The following LRRFIP2 variants were observed in gnomAD, a reference collection of about 807,000 sequenced individuals.
LRRFIP2 encodes leucine-rich repeat flightless-interacting protein 2.
Under a neutral mutation model 125.9 loss-of-function variants are expected in LRRFIP2, and 109 were observed. The observed-to-expected ratio is 0.87, with a 90% CI of 0.74 to 1.01. The LOEUF is 1.01. Among genes scored for constraint, LRRFIP2 ranks in the 50% least tolerant of loss-of-function variants. LRRFIP2 has a pLI of 0.00. For synonymous variants in LRRFIP2, 291 were observed against 293.1 expected (o/e 0.99, Z 0.07); for missense variants, 850 against 862.3 (o/e 0.99, Z 0.18).
chr3:37,167,208 AAAAAAG>A (rs1487104786), intron 1 of LRRFIP2, among the ~76,000 whole-genome samples: 1 of 151,432 alleles, frequency 6.6e-6, no homozygotes, highest in Non-Finnish European at 1.5e-5. Flanking sequence ...AAAAAAAAAA[AAAAAAG>A]AAAGAAAGAA....
chr3:37,079,137 G>A (rs1383486885), intron 19 of LRRFIP2, among the ~76,000 whole-genome samples: 3 of 152,040 alleles, frequency 2.0e-5, no homozygotes, highest in Non-Finnish European at 4.4e-5. Context: ...ATGGACAAAG[G>A]ATCTGAATAG....
intron 16 of LRRFIP2, 79 bp from the exon 17 acceptor site, chr3:37,094,987 G>A: frequency 1.1e-6 from 1 of 886,574 alleles, no homozygotes; most frequent in Admixed American, 1.8e-5. Context: ...ACAGGGCAGG[G>A]TGGTTGGGGG....
At chr3:37,096,218 A>T (rs17810493) in intron 16 of LRRFIP2, among the ~76,000 whole-genome samples, 8,419 of 152,262 alleles carry the variant, frequency 0.055, 278 homozygotes, top group Non-Finnish European at 0.074. Context: ...TTTAACACAA[A>T]GCAAATTCTA....
At chr3:37,113,831 TTA>T (rs2094649900) in intron 7 of LRRFIP2, among the ~76,000 whole-genome samples, 1 of 152,278 alleles carries the variant, frequency 6.6e-6, no homozygotes, top group East Asian at 1.9e-4. Context: ...AATGGTCACC[TTA>T]TAAAAGGGTC....
Position 37,055,139 on chromosome 3 carries a change from A to G in LRRFIP2, c.1897T>C (p.Tyr633His). 1.9e-6 allele frequency: 3 copies of G among 1,594,104 alleles called. No homozygotes were observed. The change falls in exon 26 of 28, where the codon TAC becomes CAC. Residue 633 changes from tyrosine (Y) to histidine (H), a missense_variant. Coordinates refer to ENST00000336686, the MANE Select transcript of LRRFIP2 (RefSeq NM_006309.4). ...QRDANRQISE[Y>H]KFKLSKAEQD... is the part of the protein sequence containing the mutation. ...TCTGCTTTTGAAAGCTTAAATTTGTATTCGCTAATTTGTCTATTGGCATCT... is the reference window on the plus strand; with the variant it reads ...TCTGCTTTTGAAAGCTTAAATTTGTGTTCGCTAATTTGTCTATTGGCATCT...
At position 37,121,166 on chromosome 3, in the gene LRRFIP2, T is replaced by A. The variant is rs1466570093; in HGVS notation, c.330+326A>T. Among the ~76,000 whole-genome samples the A allele has an allele frequency of 3.3e-5, 5 of 152,152 alleles. No individual in the cohort carries two copies. In the South Asian group the frequency reaches 6.2e-4, roughly 19 times the overall value. On this transcript the variant is annotated intron_variant, in intron 6 of 27. Transcript: ENST00000336686. ...TTTTAAGATATGAAAGTAGGGAAAG[T>A]CTGAAAGTTAGAACCAAACAAATGT...
At chr3:37,142,123 G>C (rs2095717868) in intron 2 of LRRFIP2, among the ~76,000 whole-genome samples, 1 of 151,324 alleles carries the variant, frequency 6.6e-6, no homozygotes. Context: ...CTCTTCAATA[G>C]GTGGTTGACC....
rs931143263 is a variant in LRRFIP2 at position 37,053,128 on chromosome 3, ATACTT to A, written c.*718_*722del. On this transcript the variant is annotated 3_prime_UTR_variant, in exon 28 of 28. Coordinates refer to ENST00000336686, the MANE Select transcript of LRRFIP2 (RefSeq NM_006309.4). Reference sequence around the variant, plus strand: ...ATTCCACAAATAAGCAGCAGATAAAATACTTTACAAGGTACAGCACAGTTGTATTG... The same window carrying A: ...ATTCCACAAATAAGCAGCAGATAAAATACAAGGTACAGCACAGTTGTATTG... The A allele has an allele frequency of 6.6e-6, 1 of 152,590 alleles. No homozygotes were observed. The highest frequency in any genetic ancestry group is 1.5e-5 in the Non-Finnish European group (1 of 68,030). The allele number at this position is 152,590 out of a possible 1,614,324, so 9.5% of individuals were successfully genotyped here.
At position 37,121,537 on chromosome 3, in the gene LRRFIP2, C is replaced by T; in HGVS notation, c.286-1G>A. ...GAATGGACAATGCATCCTCAACTCC[C>T]TGATAAAAATGAAAATAAACACAGT... On this transcript the variant is annotated splice_acceptor_variant, in intron 5 of 27. Coordinates refer to ENST00000336686, the MANE Select transcript of LRRFIP2 (RefSeq NM_006309.4). LOFTEE classifies it high-confidence loss of function. The T allele has an allele frequency of 1.9e-6, 3 of 1,613,934 alleles. No individual in the cohort carries two copies. The highest frequency in any genetic ancestry group is 2.5e-6 in the Non-Finnish European group (3 of 1,179,904).
intron 2 of LRRFIP2, among the ~76,000 whole-genome samples, chr3:37,142,148 CTT>C (rs1006144645): frequency 1.9e-4 from 25 of 129,692 alleles, no homozygotes; most frequent in Admixed American, 2.3e-4. Context: ...ATTTTTCCTA[CTT>C]TTTTTTTTTT....
rs767947432 is a variant in LRRFIP2 at position 37,058,782 on chromosome 3, G to A, written c.1870+8C>T. The A allele has an allele frequency of 6.2e-7, 1 of 1,613,858 alleles. No homozygotes were observed. Among genetic ancestry groups the A allele is most frequent in the Non-Finnish European group, 8.5e-7 (1 of 1,179,896 alleles). On this transcript the variant is annotated splice_region_variant and intron_variant, in intron 25 of 27. Transcript: ENST00000336686. ...CAGACTGGGACTGGCCTGTCCCCTG[G>A]TACCTACTCTGCATTTCGATGAACT...
intron 1 of LRRFIP2, among the ~76,000 whole-genome samples, chr3:37,159,569 C>T (rs1389440921): frequency 1.3e-5 from 2 of 151,916 alleles, no homozygotes; most frequent in African/African-American, 4.8e-5. Flanking sequence ...TGCAGTGGTG[C>T]GATCTCAGCT....
At chr3:37,169,436 C>G (rs1293072633) in intron 1 of LRRFIP2, among the ~76,000 whole-genome samples, 1 of 152,152 alleles carries the variant, frequency 6.6e-6, no homozygotes, top group East Asian at 1.9e-4. Context: ...TAATCTAAAG[C>G]TGAATTTTTT....
At chr3:37,158,202 C>G (rs553260911) in intron 1 of LRRFIP2, among the ~76,000 whole-genome samples, 2 of 152,320 alleles carry the variant, frequency 1.3e-5, no homozygotes, top group Admixed American at 6.5e-5. Context: ...TTCAAATAGC[C>G]TCCTTTCTTG....
At chr3:37,109,412 G>A (rs1188107173) in intron 11 of LRRFIP2, 115 bp downstream of exon 11, 2 of 1,119,542 alleles carry the variant, frequency 1.8e-6, no homozygotes, top group African/African-American at 1.5e-5. Context: ...CAGTATACAT[G>A]ACACTAAAAT....
intron 1 of LRRFIP2, among the ~76,000 whole-genome samples, chr3:37,162,411 C>T (rs748527237): frequency 5.2e-4 from 79 of 152,114 alleles, no homozygotes; most frequent in Admixed American, 9.2e-4. Context: ...TCAAGACTTT[C>T]AAAAGTAATT....
intron 6 of LRRFIP2, among the ~76,000 whole-genome samples, chr3:37,117,115 C>A (rs1412106963): frequency 6.6e-6 from 1 of 150,382 alleles, no homozygotes; most frequent in Non-Finnish European, 1.5e-5. Context: ...AAAAATCTAA[C>A]CCTTTTGTTT....
chr3:37,147,198 C>G (rs1022517847), intron 2 of LRRFIP2, among the ~76,000 whole-genome samples: 1 of 152,096 alleles, frequency 6.6e-6, no homozygotes, highest in African/African-American at 2.4e-5. Context: ...ATTAAAAAGT[C>G]AAGAAACAAC....
intron 4 of LRRFIP2, among the ~76,000 whole-genome samples, chr3:37,124,942 G>A (rs1183492749): frequency 1.3e-5 from 2 of 151,930 alleles, no homozygotes; most frequent in East Asian, 1.9e-4. Flanking sequence ...CCAGTTACAA[G>A]GTGTATCCCT....
Sources: allele counts gnomAD v4.1 joint callset (sites outside exome capture counted in the v4.1 genomes callset), GRCh38; gene constraint gnomAD v4.1.1; transcripts MANE v1.5; gene names NCBI Gene and HGNC (gene_info 2026-07-23, HGNC 2026-07-21).